The following MINPP1 variants were observed in gnomAD, a reference collection of about 807,000 sequenced individuals.
MINPP1 encodes multiple inositol polyphosphate phosphatase 1.
A neutral mutation model predicts 46.1 loss-of-function variants in MINPP1; 28 were observed. The observed-to-expected ratio is 0.61, with a 90% confidence interval of 0.45 to 0.83. The LOEUF is 0.83. Among genes scored for constraint, MINPP1 ranks in the 40% least tolerant of loss-of-function variants. The pLI is 0.00. For missense variants in MINPP1, 603 were observed against 610.0 expected, an observed-to-expected ratio of 0.99 and a Z score of 0.12; for synonymous variants, 268 against 249.1, an observed-to-expected ratio of 1.08 and a Z score of -0.72.
At chr10:87,508,106 A>G in intron 1 of MINPP1, 1 of 1,516,258 alleles carries the variant, frequency 6.6e-7, no homozygotes. Flanking sequence ...AACACATTTA[A>G]TCTTCAATCT....
intron 4 of MINPP1, among the ~76,000 whole-genome samples, chr10:87,527,419 G>A (rs1039682124): frequency 1.3e-5 from 2 of 152,166 alleles, no homozygotes; most frequent in Non-Finnish European, 2.9e-5. Context: ...GTCATAAATA[G>A]CTTTTATTAT....
chr10:87,505,213 C>A lies in MINPP1; in HGVS notation c.298C>A (p.Arg100Ser). 6.2e-7 allele frequency: 1 copy of A among 1,611,424 alleles called. No homozygotes were observed. The highest frequency in any genetic ancestry group is 8.5e-7 in the Non-Finnish European group (1 of 1,178,918). The change falls in exon 1 of 5, where the codon CGC becomes AGC. Residue 100 changes from arginine to serine, a missense_variant. By Grantham distance (110) the Arg-to-Ser change is moderately radical. Around this residue, in one of 3 missense-constraint regions of MINPP1, gnomAD observed 239 missense variants for 189.4 expected, o/e 1.26. Coordinates refer to ENST00000371996, the MANE Select transcript of MINPP1 (RefSeq NM_004897.5). This position sits in a 1 kb window ranked among gnomAD's most constrained non-coding sequence, Gnocchi z 4.4. ...GTRYPTVKQI[R>S]KLRQLHGLLQ... Reference sequence around the variant, plus strand: ...CCGCTACCCCACGGTCAAACAGATCCGCAAGCTGAGGCAGCTGCACGGGTT... The same window carrying A: ...CCGCTACCCCACGGTCAAACAGATCAGCAAGCTGAGGCAGCTGCACGGGTT...
chr10:87,509,118 TG>T (rs1273748736), intron 2 of MINPP1, among the ~76,000 whole-genome samples: 1 of 152,192 alleles, frequency 6.6e-6, no homozygotes, highest in Non-Finnish European at 1.5e-5. Context: ...TTAATAATTT[TG>T]CCAGGAAAGC....
In MINPP1 at chr10:87,512,856, C is replaced by A. The variant is rs544824700; in HGVS notation, c.836-268C>A. Among the ~76,000 whole-genome samples, 36 of 152,012 alleles carry A rather than the reference C, an allele frequency of 2.4e-4. No homozygotes were observed. The South Asian group carries it at 6.9e-3, about 29-fold the overall frequency. On this transcript the variant is annotated intron_variant, in intron 2 of 4. Transcript: ENST00000371996. ...AAAAAAAAAAGGCAGAAAAAAGTTA[C>A]CAATTACAGAAAATTTCTTAGTTTT...
intron 4 of MINPP1, among the ~76,000 whole-genome samples, chr10:87,537,488 A>G (rs1260141242): frequency 1.2e-5 from 1 of 80,102 alleles, no homozygotes; most frequent in Non-Finnish European, 2.4e-5. Flanking sequence ...TGTGCTTTTT[A>G]ATTGGGTTAT....
chr10:87,516,833 T>A (rs1564673985), intron 3 of MINPP1, among the ~76,000 whole-genome samples: 1 of 152,140 alleles, frequency 6.6e-6, no homozygotes, highest in East Asian at 1.9e-4. Context: ...TTGCTTTCAA[T>A]TTTTTCTTTA....
chr10:87,549,688 C>T (rs1351615846), intron 4 of MINPP1, among the ~76,000 whole-genome samples: 9 of 152,130 alleles, frequency 5.9e-5, no homozygotes, highest in Admixed American at 5.9e-4. Context: ...GAGAGAGTTA[C>T]TGACAGTAAA....
At position 87,516,216 on chromosome 10, in the gene MINPP1, G is replaced by A. The variant is rs1458421393; in HGVS notation, c.933+2995G>A. Among the ~76,000 whole-genome samples, 7 of 104,286 alleles carry A rather than the reference G, an allele frequency of 6.7e-5. 1 individual carries two copies. The highest frequency in any genetic ancestry group is 2.0e-4 in the African/African-American group (7 of 34,750). 68.4% of individuals were successfully genotyped at this position (104,286 alleles called of 152,430 possible). On this transcript the variant is annotated intron_variant, in intron 3 of 4. Transcript: ENST00000371996. Reference sequence around the variant, plus strand: ...CCTGGACTTTGTGTACCTTCAGCAAGCATTTTTTGAGTTTCCGTTCTGTGA... The same window carrying A: ...CCTGGACTTTGTGTACCTTCAGCAAACATTTTTTGAGTTTCCGTTCTGTGA...
At chr10:87,526,232 T>G (rs1851575188) in intron 4 of MINPP1, among the ~76,000 whole-genome samples, 1 of 152,216 alleles carries the variant, frequency 6.6e-6, no homozygotes, top group East Asian at 1.9e-4. Context: ...TTTTTAATGA[T>G]TGCCATTCTG....
chr10:87,523,931 A>G (rs1564676285), intron 4 of MINPP1, among the ~76,000 whole-genome samples: 1 of 152,190 alleles, frequency 6.6e-6, no homozygotes, highest in Non-Finnish European at 1.5e-5. Flanking sequence ...GCTGTCATCC[A>G]GGCTTTGTTG....
In MINPP1 at chr10:87,528,687, T is replaced by G. The variant is rs1227559608; in HGVS notation, c.1067+7518T>G. 8.5e-5 allele frequency among the ~76,000 whole-genome samples: 13 copies of G among 152,334 alleles called. No individual in the cohort carries two copies. The South Asian group carries it at 2.5e-3, about 29-fold the overall frequency. ...GTGCTGAGAAGAATGTATATTCTGT[T>G]GATTTGGGGTGGAGAGTTCTGTAGA... is the stretch of plus-strand genomic sequence containing the variant. On this transcript the variant is annotated intron_variant, in intron 4 of 4. Coordinates refer to ENST00000371996, the MANE Select transcript of MINPP1 (RefSeq NM_004897.5).
intron 4 of MINPP1, among the ~76,000 whole-genome samples, chr10:87,522,840 A>G (rs979927873): frequency 6.6e-6 from 1 of 152,214 alleles, no homozygotes; most frequent in African/African-American, 2.4e-5. Flanking sequence ...GATGCCGTTT[A>G]ATAACATTTT....
rs117434565 is a variant in MINPP1, at chr10:87,525,779, C to T, written c.1067+4610C>T. On this transcript the variant is annotated intron_variant, in intron 4 of 4. Transcript: ENST00000371996. ...TGTCAAGTGCTCTCATTGTTCAGTT[C>T]CCACCTATGAGTGAAAACATGCAGT... Among the ~76,000 whole-genome samples, 412 of 152,316 alleles carry T rather than the reference C, an allele frequency of 2.7e-3. 2 individuals are homozygous for T. Among genetic ancestry groups the T allele is most frequent in the Non-Finnish European group, 4.1e-3 (279 of 68,040 alleles).
Position 87,504,988 on chromosome 10 carries a change from TCGTCGCTTGCG to T in MINPP1, c.76_86del (p.Ser26LeufsTer43). The T allele has an allele frequency of 6.2e-7, 1 of 1,612,528 alleles. No individual in the cohort carries two copies. Among genetic ancestry groups the T allele is most frequent in the Non-Finnish European group, 8.5e-7 (1 of 1,179,744 alleles). ...CGCGGCCCTGGCTGCGGCGCTGCTC[TCGTCGCTTGCG>T]CGCTGCTCTCTTCTAGAGCCGAGGG... is the stretch of plus-strand genomic sequence containing the variant. On this transcript the variant is annotated frameshift_variant, in exon 1 of 5. Transcript: ENST00000371996. LOFTEE classifies it high-confidence loss of function.
At chr10:87,535,289 T>C (rs1851717697) in intron 4 of MINPP1, among the ~76,000 whole-genome samples, 1 of 152,240 alleles carries the variant, frequency 6.6e-6, no homozygotes, top group Non-Finnish European at 1.5e-5. Flanking sequence ...TTTCAAGGTG[T>C]TGAGAAGGTT....
At chr10:87,546,915 G>T (rs1337261351) in intron 4 of MINPP1, among the ~76,000 whole-genome samples, 1 of 152,176 alleles carries the variant, frequency 6.6e-6, no homozygotes, top group Non-Finnish European at 1.5e-5. Context: ...GGGTGACAGA[G>T]CGAGCTCCTG....
chr10:87,550,657 GC>G (rs534970311), intron 4 of MINPP1, among the ~76,000 whole-genome samples: 4 of 151,968 alleles, frequency 2.6e-5, no homozygotes, highest in East Asian at 3.9e-4. Flanking sequence ...ATCTCACAGA[GC>G]CCCCCCGTTC....
chr10:87,521,322 T>C (rs1459785042), intron 4 of MINPP1, among the ~76,000 whole-genome samples, 153 bp downstream of exon 4: 1 of 152,184 alleles, frequency 6.6e-6, no homozygotes, highest in African/African-American at 2.4e-5. Context: ...ATAACATATA[T>C]GTAAATTATA....
At chr10:87,530,264 G>A (rs1851638665) in intron 4 of MINPP1, among the ~76,000 whole-genome samples, 1 of 152,180 alleles carries the variant, frequency 6.6e-6, no homozygotes, top group Admixed American at 6.5e-5. Flanking sequence ...GAGGATCTGT[G>A]TTTCTTTGGA....
Sources: gnomAD v4.1 joint callset for allele counts (sites outside exome capture counted in the v4.1 genomes callset) on GRCh38, gnomAD v4.1.1 for gene constraint, gnomAD v4.1.1 regional missense constraint, Gnocchi (gnomAD v3.1) non-coding constraint, MANE v1.5 for transcripts, NCBI Gene and HGNC (gene_info 2026-07-23, HGNC 2026-07-21) for gene names.